The following KCNIP4 variants were observed in gnomAD, a reference collection of about 807,000 sequenced individuals.
KCNIP4 encodes Kv channel-interacting protein 4.
A neutral mutation model predicts 34.0 loss-of-function variants in KCNIP4; 12 were observed. The observed-to-expected ratio is 0.35, with a 90% CI of 0.23 to 0.57. KCNIP4 has a LOEUF of 0.57. Ranked by LOEUF, KCNIP4 falls within the 20% of genes least tolerant of loss-of-function variation. The probability of loss-of-function intolerance (pLI) is 0.83; values close to 1 mark genes in which losing one functional copy is unlikely to be tolerated. For missense variants in KCNIP4, 238 were observed against 311.7 expected, an observed-to-expected ratio of 0.76 and a Z score of 1.78; for synonymous variants, 124 against 102.2, an observed-to-expected ratio of 1.21 and a Z score of -1.29.
At chr4:21,492,611 C>G (rs893833193) in intron 1 of KCNIP4, among the ~76,000 whole-genome samples, 26 of 152,116 alleles carry the variant, frequency 1.7e-4, no homozygotes, top group African/African-American at 4.3e-4. Flanking sequence ...ATATGTGTGA[C>G]TAGTTGATTG....
intron 3 of KCNIP4, among the ~76,000 whole-genome samples, chr4:20,799,157 C>A (rs1560472980): frequency 1.3e-5 from 2 of 152,152 alleles, no homozygotes; most frequent in Non-Finnish European, 2.9e-5. Flanking sequence ...TATAGCTGCT[C>A]CATCCTGCCC....
At chr4:21,697,400 A>C (rs1234455152) in intron 1 of KCNIP4, 2 of 1,561,824 alleles carry the variant, frequency 1.3e-6, no homozygotes, top group East Asian at 4.8e-5. Flanking sequence ...GGCAAATTTC[A>C]GTATTTCACG....
chr4:21,041,002 T>C (rs950065863), intron 1 of KCNIP4, among the ~76,000 whole-genome samples: 1 of 151,382 alleles, frequency 6.6e-6, no homozygotes, highest in African/African-American at 2.4e-5. Context: ...GACCCATCAA[T>C]GCCTTATATA....
intron 1 of KCNIP4, among the ~76,000 whole-genome samples, chr4:21,288,352 C>T (rs373217355): frequency 2.6e-5 from 4 of 151,698 alleles, no homozygotes; most frequent in Non-Finnish European, 4.4e-5. Context: ...TCATGCAAAA[C>T]GTAATAAAAG....
At chr4:21,417,463 G>A (rs1725060239) in intron 1 of KCNIP4, among the ~76,000 whole-genome samples, 1 of 152,182 alleles carries the variant, frequency 6.6e-6, no homozygotes, top group South Asian at 2.1e-4. Context: ...GGTCTCGTGT[G>A]TGAATTTCCT....
chr4:21,671,900 C>A (rs1258644406), intron 1 of KCNIP4, among the ~76,000 whole-genome samples: 1 of 152,120 alleles, frequency 6.6e-6, no homozygotes, highest in Non-Finnish European at 1.5e-5. Flanking sequence ...TGGGTTCAAG[C>A]AAACGCATCC....
rs531271802 is a variant in KCNIP4 at position 21,857,823 on chromosome 4, G to A, written c.61+90748C>T. 2.6e-5 allele frequency among the ~76,000 whole-genome samples: 4 copies of A among 152,342 alleles called. No homozygotes were observed. The South Asian group carries it at 8.3e-4, about 32-fold the overall frequency. On this transcript the variant is annotated intron_variant, in intron 1 of 8. Coordinates refer to ENST00000382152, the MANE Select transcript of KCNIP4 (RefSeq NM_025221.6). ...CAACCCCCTTGCTCGCCACATTGCA[G>A]GCAACAGGGAGAGAAGGGCAGTGGC... is the stretch of plus-strand genomic sequence containing the variant.
Position 21,302,354 on chromosome 4 carries a change from G to A in KCNIP4, c.62-419645C>T, listed in dbSNP as rs115133811. On this transcript the variant is annotated intron_variant, in intron 1 of 8. Coordinates refer to ENST00000382152, the MANE Select transcript of KCNIP4 (RefSeq NM_025221.6). ...GAAAGAATGGCCACACAACATCCAT[G>A]AAATGAGATGAAACAAGTCCCTCAA... is the stretch of plus-strand genomic sequence containing the variant. Among the ~76,000 whole-genome samples, 1,297 of 152,272 alleles carry A rather than the reference G, an allele frequency of 8.5e-3. 24 individuals carry two copies. The highest frequency in any genetic ancestry group is 0.03 in the African/African-American group (1,243 of 41,552).
intron 1 of KCNIP4, among the ~76,000 whole-genome samples, chr4:21,220,992 A>G (rs2108999232): frequency 6.6e-6 from 1 of 152,276 alleles, no homozygotes; most frequent in Non-Finnish European, 1.5e-5. Flanking sequence ...ATAGGTTGGA[A>G]CCAGCAATAA....
chr4:21,297,119 T>C (rs563698858), intron 1 of KCNIP4, among the ~76,000 whole-genome samples: 3 of 151,140 alleles, frequency 2.0e-5, no homozygotes, highest in Admixed American at 6.6e-5. Context: ...TATATATATA[T>C]ATATTTGGAA....
intron 3 of KCNIP4, among the ~76,000 whole-genome samples, chr4:20,828,273 A>G (rs772825427): frequency 2.0e-5 from 3 of 152,262 alleles, no homozygotes; most frequent in Non-Finnish European, 4.4e-5. Context: ...CTAAAAATAC[A>G]AAGATTAGCT....
intron 1 of KCNIP4, among the ~76,000 whole-genome samples, chr4:21,561,957 A>T (rs1226445013): frequency 1.3e-5 from 2 of 151,978 alleles, no homozygotes; most frequent in African/African-American, 4.8e-5. Flanking sequence ...ACACTGTGGC[A>T]ATAAGGACAG....
chr4:21,687,122 G>T (rs1344715383), intron 1 of KCNIP4, among the ~76,000 whole-genome samples: 53 of 130,496 alleles, frequency 4.1e-4, no homozygotes, highest in Non-Finnish European at 6.5e-4. Context: ...TGAACAATGA[G>T]ATCACATGGA....
intron 2 of KCNIP4, among the ~76,000 whole-genome samples, chr4:20,877,405 C>A (rs915143602): frequency 6.6e-6 from 1 of 152,078 alleles, no homozygotes; most frequent in Non-Finnish European, 1.5e-5. Flanking sequence ...TTAAATATGC[C>A]TTTTTTTCCT....
At chr4:21,241,139 A>G (rs929594691) in intron 1 of KCNIP4, among the ~76,000 whole-genome samples, 4 of 152,116 alleles carry the variant, frequency 2.6e-5, no homozygotes, top group Non-Finnish European at 4.4e-5. Flanking sequence ...GTTTGGTAAA[A>G]AGACAAAAAA....
chr4:21,517,995 G>A (rs1734902981), intron 1 of KCNIP4, among the ~76,000 whole-genome samples: 1 of 152,078 alleles, frequency 6.6e-6, no homozygotes, highest in South Asian at 2.1e-4. Flanking sequence ...CTCACACACA[G>A]GACAACGAAA....
intron 3 of KCNIP4, among the ~76,000 whole-genome samples, chr4:20,809,586 A>G (rs1035008437): frequency 6.6e-6 from 1 of 152,154 alleles, no homozygotes; most frequent in Non-Finnish European, 1.5e-5. Flanking sequence ...CGACTGGAAT[A>G]TATGTTTTCC....
chr4:20,829,235 T>A (rs1560496587), intron 3 of KCNIP4, among the ~76,000 whole-genome samples: 1 of 151,452 alleles, frequency 6.6e-6, no homozygotes, highest in African/African-American at 2.4e-5. Flanking sequence ...TGAGACGGAG[T>A]CTCACTCTGT....
intron 1 of KCNIP4, among the ~76,000 whole-genome samples, chr4:21,647,872 T>G (rs1484005913): frequency 2.2e-5 from 3 of 136,912 alleles, no homozygotes; most frequent in African/African-American, 8.4e-5. Context: ...GCTTTTTTTT[T>G]TTTTTTTTTT....
Sources: allele counts gnomAD v4.1 joint callset (sites outside exome capture counted in the v4.1 genomes callset), GRCh38; gene constraint gnomAD v4.1.1; transcripts MANE v1.5; gene names NCBI Gene and HGNC (gene_info 2026-07-23, HGNC 2026-07-21).